PDZRN4: variants seen among roughly 807,000 people sequenced by gnomAD.
The protein encoded by PDZRN4 is PDZ domain containing ring finger 4, also known as PDZ domain-containing RING finger protein 4.
Under a neutral mutation model 99.0 loss-of-function variants are expected in PDZRN4, and 70 were observed. That is an observed-to-expected ratio of 0.71 (90% CI 0.58 to 0.86). The LOEUF is 0.86. PDZRN4 is among the 40% of genes least tolerant of loss of function. The probability of loss-of-function intolerance (pLI) is 0.00; values close to 1 mark genes in which losing one functional copy is unlikely to be tolerated. For synonymous variants in PDZRN4, 551 were observed against 501.6 expected (o/e 1.10, Z -1.32); for missense variants, 1,474 against 1,331.2 (o/e 1.11, Z -1.67).
At chr12:41,192,833 C>A (rs1479261449) in intron 2 of PDZRN4, among the ~76,000 whole-genome samples, 1 of 152,190 alleles carries the variant, frequency 6.6e-6, no homozygotes, top group Admixed American at 6.5e-5. Flanking sequence ...TTTCAAAATG[C>A]ATATTTTAAA....
At chr12:41,468,054 A>G (rs540461336) in intron 3 of PDZRN4, among the ~76,000 whole-genome samples, 1 of 152,264 alleles carries the variant, frequency 6.6e-6, no homozygotes, top group African/African-American at 2.4e-5. Context: ...AAGAAACCCC[A>G]TGGTCTTACA....
At chr12:41,550,706 C>T (rs1325730508) in intron 5 of PDZRN4, among the ~76,000 whole-genome samples, 4 of 152,138 alleles carry the variant, frequency 2.6e-5, no homozygotes, top group African/African-American at 9.7e-5. Context: ...TAGTTTCATG[C>T]ATTTCACTAA....
intron 3 of PDZRN4, among the ~76,000 whole-genome samples, chr12:41,339,243 A>G (rs1427164317): frequency 6.6e-6 from 1 of 152,108 alleles, no homozygotes; most frequent in Non-Finnish European, 1.5e-5. Context: ...GACGAATGGA[A>G]CAGAATAGAG....
chr12:41,462,594 C>T (rs1952882628), intron 3 of PDZRN4, among the ~76,000 whole-genome samples: 1 of 152,162 alleles, frequency 6.6e-6, no homozygotes, highest in Admixed American at 6.5e-5. Context: ...TAGGAAGTGT[C>T]TCCTGCCTGG....
chr12:41,508,721 G>C (rs1938251740), intron 4 of PDZRN4, among the ~76,000 whole-genome samples: 1 of 152,110 alleles, frequency 6.6e-6, no homozygotes, highest in Non-Finnish European at 1.5e-5. Context: ...GCCTACACTA[G>C]TTAGACCTGT....
At chr12:41,324,054 G>A (rs892434659) in intron 3 of PDZRN4, among the ~76,000 whole-genome samples, 1 of 152,000 alleles carries the variant, frequency 6.6e-6, no homozygotes, top group South Asian at 2.1e-4. Context: ...CCCACTTGCA[G>A]TAATATATGA....
intron 5 of PDZRN4, among the ~76,000 whole-genome samples, chr12:41,551,241 G>A (rs1458191396): frequency 1.3e-5 from 2 of 152,012 alleles, no homozygotes; most frequent in African/African-American, 4.8e-5. Flanking sequence ...ATAGCTCTCT[G>A]GGGCCTCTTC....
chr12:41,428,524 A>G (rs549293667), intron 3 of PDZRN4, among the ~76,000 whole-genome samples: 1 of 152,306 alleles, frequency 6.6e-6, no homozygotes, highest in African/African-American at 2.4e-5. Flanking sequence ...AAAGAGAGAA[A>G]TATACCAAAA....
At chr12:41,290,958 A>T (rs943019060) in intron 3 of PDZRN4, among the ~76,000 whole-genome samples, 1 of 152,118 alleles carries the variant, frequency 6.6e-6, no homozygotes, top group African/African-American at 2.4e-5. Context: ...CAAAGCATAC[A>T]TTTAAATGAG....
intron 5 of PDZRN4, among the ~76,000 whole-genome samples, chr12:41,538,870 T>C (rs1040369146): frequency 7.2e-5 from 11 of 152,052 alleles, no homozygotes; most frequent in Non-Finnish European, 1.3e-4. Flanking sequence ...GAATGAATTA[T>C]TGATATATAT....
At chr12:41,289,742 GCAGTC>G (rs1453405811) in intron 3 of PDZRN4, among the ~76,000 whole-genome samples, 2 of 152,182 alleles carry the variant, frequency 1.3e-5, no homozygotes, top group Non-Finnish European at 2.9e-5. Flanking sequence ...AGAGATTGCT[GCAGTC>G]CAATATACAG....
intron 3 of PDZRN4, among the ~76,000 whole-genome samples, chr12:41,461,376 T>C (rs1362047917): frequency 6.6e-6 from 1 of 152,122 alleles, no homozygotes; most frequent in African/African-American, 2.4e-5. Flanking sequence ...AATTCTCCAC[T>C]CTGGGACCAA....
chr12:41,534,031 T>C (rs1246402360), intron 5 of PDZRN4, among the ~76,000 whole-genome samples: 1 of 152,238 alleles, frequency 6.6e-6, no homozygotes, highest in African/African-American at 2.4e-5. Context: ...AATTAATTAA[T>C]TCTTTTACTT....
intron 3 of PDZRN4, chr12:41,437,842 A>G: frequency 6.2e-7 from 1 of 1,602,998 alleles, no homozygotes; most frequent in Non-Finnish European, 8.5e-7. Context: ...GAAGTGACTG[A>G]TGAAAAACAG....
At chr12:41,527,522 T>C (rs183477008) in intron 5 of PDZRN4, among the ~76,000 whole-genome samples, 1 of 152,222 alleles carries the variant, frequency 6.6e-6, no homozygotes, top group East Asian at 1.9e-4. Context: ...GATATGAAAA[T>C]AACTAGAACG....
At chr12:41,280,882 C>T (rs954551090) in intron 3 of PDZRN4, among the ~76,000 whole-genome samples, 4 of 152,208 alleles carry the variant, frequency 2.6e-5, no homozygotes, top group African/African-American at 9.6e-5. Context: ...AGACTGCCTC[C>T]TCAAGTGGGT....
intron 3 of PDZRN4, among the ~76,000 whole-genome samples, chr12:41,226,569 G>A (rs747425584): frequency 1.2e-3 from 189 of 151,912 alleles, no homozygotes; most frequent in Non-Finnish European, 2.0e-3. Context: ...AAAAATGAAC[G>A]TAAGGAAACA....
intron 3 of PDZRN4, among the ~76,000 whole-genome samples, chr12:41,479,818 T>G (rs1005604672): frequency 2.0e-5 from 3 of 152,332 alleles, no homozygotes; most frequent in Middle Eastern, 3.4e-3. Flanking sequence ...ATTTAATTAA[T>G]GTATGCACAT....
intron 3 of PDZRN4, among the ~76,000 whole-genome samples, chr12:41,423,468 C>T (rs944673587): frequency 2.0e-5 from 3 of 152,146 alleles, no homozygotes; most frequent in African/African-American, 7.2e-5. Context: ...CCGCAAAGGG[C>T]ATTAACTCAT....
Sources: allele counts gnomAD v4.1 joint callset (sites outside exome capture counted in the v4.1 genomes callset), GRCh38; gene constraint gnomAD v4.1.1; transcripts MANE v1.5; gene names NCBI Gene and HGNC (gene_info 2026-07-23, HGNC 2026-07-21).